CDKAL1: variants seen among roughly 807,000 people sequenced by gnomAD.
CDKAL1 encodes threonylcarbamoyladenosine tRNA methylthiotransferase.
In CDKAL1, 32 loss-of-function variants were observed where a neutral mutation model predicts 68.2. The ratio of observed to expected loss-of-function variants is 0.47; its 90% CI spans 0.35 to 0.63. The LOEUF (loss-of-function observed/expected upper bound fraction) is 0.63. CDKAL1 is among the 30% of genes least tolerant of loss of function. CDKAL1 has a pLI of 0.00. For missense variants in CDKAL1, 606 were observed against 696.7 expected, an observed-to-expected ratio of 0.87 and a Z score of 1.47; for synonymous variants, 234 against 244.3, an observed-to-expected ratio of 0.96 and a Z score of 0.39.
chr6:20,731,062 T>C (rs947273807), intron 5 of CDKAL1, among the ~76,000 whole-genome samples: 15 of 152,084 alleles, frequency 9.9e-5, no homozygotes, highest in Admixed American at 1.3e-4. Context: ...TGACTTTTTT[T>C]CAGGAACACT....
At chr6:21,172,718 T>A (rs528715871) in intron 13 of CDKAL1, among the ~76,000 whole-genome samples, 1 of 152,130 alleles carries the variant, frequency 6.6e-6, no homozygotes, top group Non-Finnish European at 1.5e-5. Flanking sequence ...ATCATACCAC[T>A]GCAATCCAGC....
intron 4 of CDKAL1, among the ~76,000 whole-genome samples, chr6:20,610,398 A>T (rs768622571): frequency 1.1e-4 from 16 of 152,042 alleles, no homozygotes; most frequent in Non-Finnish European, 2.1e-4. Context: ...TCCCACCAAC[A>T]TTGTATAAGC....
At chr6:21,203,574 C>T (rs988009475) in intron 15 of CDKAL1, among the ~76,000 whole-genome samples, 7 of 151,488 alleles carry the variant, frequency 4.6e-5, no homozygotes, top group Non-Finnish European at 7.4e-5. Context: ...GACAGGATCT[C>T]GCTTTGTTGC....
intron 9 of CDKAL1, among the ~76,000 whole-genome samples, chr6:20,942,912 G>A (rs550463614): frequency 2.2e-4 from 31 of 139,782 alleles, no homozygotes; most frequent in African/African-American, 7.6e-4. Context: ...TGGAGATCAC[G>A]CCACTGCACT....
At chr6:20,742,526 A>C (rs768997669) in intron 6 of CDKAL1, among the ~76,000 whole-genome samples, 21 of 151,664 alleles carry the variant, frequency 1.4e-4, no homozygotes, top group Non-Finnish European at 2.1e-4. Context: ...TTATTTTTTG[A>C]TGTTCTTTCA....
intron 11 of CDKAL1, among the ~76,000 whole-genome samples, chr6:21,013,918 CTTAAGATGT>C (rs1278658032): frequency 6.6e-6 from 1 of 152,168 alleles, no homozygotes; most frequent in Non-Finnish European, 1.5e-5. Flanking sequence ...GCTTAAGATG[CTTAAGATGT>C]AGCAATCTTG....
At chr6:20,860,200 A>G (rs1329080086) in intron 9 of CDKAL1, among the ~76,000 whole-genome samples, 1 of 151,670 alleles carries the variant, frequency 6.6e-6, no homozygotes, top group African/African-American at 2.4e-5. Flanking sequence ...GCCTCAGCCT[A>G]CTGAGTAGCT....
chr6:21,132,940 A>G (rs1370350532), intron 13 of CDKAL1, among the ~76,000 whole-genome samples: 1 of 152,174 alleles, frequency 6.6e-6, no homozygotes, highest in African/African-American at 2.4e-5. Flanking sequence ...CACATGATCC[A>G]GTTACAAAGA....
At position 21,232,003 on chromosome 6, in the gene CDKAL1, G is replaced by GTTTTGTTTTT. The variant is rs1779993397; in HGVS notation, c.*968_*969insGTTTTTTTTT. ...TTTGATCCATTGGGGTTTTTTTTTT[G>GTTTTGTTTTT]TTTTTGTTTTTTTTTTTTTTTGAGT... On this transcript the variant is annotated 3_prime_UTR_variant, in exon 16 of 16. Coordinates refer to ENST00000274695, the MANE Select transcript of CDKAL1 (RefSeq NM_017774.3). 2 of 76,088 alleles carry GTTTTGTTTTT rather than the reference G, an allele frequency of 2.6e-5. No homozygotes were observed. The allele number at this position is 76,088 out of a possible 1,614,324, so 4.7% of individuals were successfully genotyped here.
At chr6:20,952,259 C>G (rs1221945943) in intron 9 of CDKAL1, among the ~76,000 whole-genome samples, 1 of 152,098 alleles carries the variant, frequency 6.6e-6, no homozygotes, top group Non-Finnish European at 1.5e-5. Flanking sequence ...CGCCCGCCCC[C>G]TCTTTTTCAT....
At chr6:21,030,338 G>C (rs904420763) in intron 11 of CDKAL1, among the ~76,000 whole-genome samples, 6 of 152,184 alleles carry the variant, frequency 3.9e-5, no homozygotes, top group African/African-American at 1.4e-4. Flanking sequence ...AGTGGAGGTA[G>C]TGAGCGGAGG....
intron 4 of CDKAL1, among the ~76,000 whole-genome samples, chr6:20,643,169 C>T (rs1768270101): frequency 1.3e-5 from 2 of 152,286 alleles, no homozygotes; most frequent in African/African-American, 4.8e-5. Context: ...TAAGTTGGTG[C>T]CTTCTTCCTA....
At chr6:21,185,004 A>G (rs1451980161) in intron 13 of CDKAL1, among the ~76,000 whole-genome samples, 1 of 151,878 alleles carries the variant, frequency 6.6e-6, no homozygotes, top group Non-Finnish European at 1.5e-5. Flanking sequence ...AGTTCCTACA[A>G]TGCAGTAATT....
intron 13 of CDKAL1, among the ~76,000 whole-genome samples, chr6:21,154,537 C>A (rs953272397): frequency 1.1e-4 from 17 of 152,080 alleles, no homozygotes; most frequent in African/African-American, 4.1e-4. Flanking sequence ...AAATGTATTG[C>A]TTAGTTTCTG....
intron 11 of CDKAL1, among the ~76,000 whole-genome samples, chr6:21,035,264 T>C (rs1053963890): frequency 6.6e-6 from 1 of 152,150 alleles, no homozygotes; most frequent in Admixed American, 6.6e-5. Flanking sequence ...GACTGGAGAC[T>C]GGGCCTGTTT....
chr6:20,813,198 T>C (rs1380841632), intron 8 of CDKAL1, among the ~76,000 whole-genome samples: 1 of 152,174 alleles, frequency 6.6e-6, no homozygotes, highest in African/African-American at 2.4e-5. Flanking sequence ...CTCCCCACTT[T>C]GGCCTCCCAA....
chr6:21,162,646 T>C (rs1447068253), intron 13 of CDKAL1, among the ~76,000 whole-genome samples: 1 of 152,220 alleles, frequency 6.6e-6, no homozygotes, highest in East Asian at 1.9e-4. Flanking sequence ...TCTGGCCTGC[T>C]GGGCACAGTA....
intron 5 of CDKAL1, among the ~76,000 whole-genome samples, chr6:20,719,533 T>C (rs1354189521): frequency 6.6e-6 from 1 of 152,218 alleles, no homozygotes; most frequent in East Asian, 1.9e-4. Flanking sequence ...GAAAAGACTT[T>C]AGAGACAGCT....
At chr6:20,639,548 C>G (rs1234918683) in intron 4 of CDKAL1, among the ~76,000 whole-genome samples, 2 of 152,118 alleles carry the variant, frequency 1.3e-5, no homozygotes, top group African/African-American at 4.8e-5. Context: ...CACTTTTATT[C>G]TTTTTAGAAA....
Sources: allele counts gnomAD v4.1 joint callset (sites outside exome capture counted in the v4.1 genomes callset), GRCh38; gene constraint gnomAD v4.1.1; transcripts MANE v1.5; gene names NCBI Gene and HGNC (gene_info 2026-07-23, HGNC 2026-07-21).